The following HDAC9 variants were observed in gnomAD, a reference collection of about 807,000 sequenced individuals.
HDAC9 encodes histone deacetylase 9, also known as MEF-2 interacting transcription repressor (MITR) protein.
Under a neutral mutation model 139.4 loss-of-function variants are expected in HDAC9, and 41 were observed. The observed-to-expected ratio is 0.29, with a 90% CI of 0.23 to 0.38. The LOEUF (loss-of-function observed/expected upper bound fraction) is 0.38. HDAC9 is among the 10% of genes least tolerant of loss of function. The pLI is 1.00. For missense variants in HDAC9, 1,147 were observed against 1,297.0 expected, an observed-to-expected ratio of 0.88 and a Z score of 1.78; for synonymous variants, 517 against 476.2, an observed-to-expected ratio of 1.09 and a Z score of -1.12.
chr7:18,194,073 G>A (rs1562733207), intron 2 of HDAC9, among the ~76,000 whole-genome samples: 1 of 152,200 alleles, frequency 6.6e-6, no homozygotes, highest in Admixed American at 6.5e-5. Flanking sequence ...CCATGAGGTC[G>A]GTCCAAGCCA....
intron 22 of HDAC9, among the ~76,000 whole-genome samples, chr7:18,906,184 G>T (rs1351163135): frequency 6.6e-6 from 1 of 150,876 alleles, no homozygotes; most frequent in East Asian, 1.9e-4. Context: ...TATCTCCCAG[G>T]CAGGCTGGAG....
intron 1 of HDAC9, among the ~76,000 whole-genome samples, chr7:18,419,297 T>TA (rs1306479621): frequency 6.6e-6 from 1 of 152,224 alleles, no homozygotes; most frequent in East Asian, 1.9e-4. Flanking sequence ...ATTGATGTAT[T>TA]AAGTGTATCA....
At position 18,300,220 on chromosome 7, in the gene HDAC9, A is replaced by G. The variant is rs184778085; in HGVS notation, c.-42+9705A>G. Among the ~76,000 whole-genome samples, 278 of 150,336 alleles carry G rather than the reference A, an allele frequency of 1.8e-3. 1 individual carries two copies. Among genetic ancestry groups the G allele is most frequent in the African/African-American group, 6.4e-3 (262 of 40,926 alleles). On this transcript the variant is annotated intron_variant, in intron 1 of 3. Transcript: ENST00000413509. Reference sequence around the variant, plus strand: ...TTTTTTTTTTTTTAGCTCATCGGCTATCATTAGTGTTAGTGCATTTTATGT... The same window carrying G: ...TTTTTTTTTTTTTAGCTCATCGGCTGTCATTAGTGTTAGTGCATTTTATGT...
At chr7:18,395,857 G>A (rs1197708374) in intron 1 of HDAC9, among the ~76,000 whole-genome samples, 1 of 152,088 alleles carries the variant, frequency 6.6e-6, no homozygotes, top group Non-Finnish European at 1.5e-5. Flanking sequence ...ATTAACATTT[G>A]ATGCCATTTT....
chr7:18,131,007 GTTTAGAAATCTTTACAAA>G lies in HDAC9; in HGVS notation c.-96-31220_-96-31203del, dbSNP rs568670297. On this transcript the variant is annotated intron_variant, in intron 1 of 12. Transcript: ENST00000417496. Reference sequence around the variant, plus strand: ...TCTTTCTAGTTTCTTATAATCGAGTGTTTAGAAATCTTTACAAATCACCAGTTGGTTATTTTTCTGTTG... The same window carrying G: ...TCTTTCTAGTTTCTTATAATCGAGTGTCACCAGTTGGTTATTTTTCTGTTG... Among the ~76,000 whole-genome samples the G allele has an allele frequency of 1.4e-4, 21 of 152,164 alleles. No individual in the cohort carries two copies. The South Asian group carries it at 4.1e-3, about 30-fold the overall frequency.
intron 1 of HDAC9, among the ~76,000 whole-genome samples, chr7:18,386,764 G>A (rs971552294): frequency 6.6e-6 from 1 of 152,158 alleles, no homozygotes; most frequent in Non-Finnish European, 1.5e-5. Context: ...CTCGTATTCA[G>A]TCCTCAGAGA....
At chr7:18,991,523 G>A (rs868193567) in intron 25 of HDAC9, among the ~76,000 whole-genome samples, 5 of 152,126 alleles carry the variant, frequency 3.3e-5, no homozygotes, top group African/African-American at 1.2e-4. Flanking sequence ...TGTAGTCCCA[G>A]CTGCTCAGGA....
At chr7:18,992,537 T>C (rs1400044035) in intron 25 of HDAC9, among the ~76,000 whole-genome samples, 1 of 152,190 alleles carries the variant, frequency 6.6e-6, no homozygotes, top group Non-Finnish European at 1.5e-5. Context: ...GGAGTAGAAG[T>C]AAGAAATAAG....
chr7:18,230,089 A>G (rs1281952553), intron 2 of HDAC9, among the ~76,000 whole-genome samples: 3 of 152,236 alleles, frequency 2.0e-5, no homozygotes, highest in Non-Finnish European at 4.4e-5. Context: ...ATGAGGATCT[A>G]TATAACCATG....
intron 1 of HDAC9, among the ~76,000 whole-genome samples, chr7:18,331,339 A>G (rs921969225): frequency 1.3e-5 from 2 of 151,682 alleles, no homozygotes; most frequent in African/African-American, 4.8e-5. Context: ...GGCATAATGA[A>G]AAATCGTGTT....
chr7:18,334,769 C>T (rs151226602), intron 1 of HDAC9, among the ~76,000 whole-genome samples: 1 of 151,606 alleles, frequency 6.6e-6, no homozygotes, highest in East Asian at 1.9e-4. Context: ...GTTAGCACCA[C>T]AGAGGAAGTT....
intron 1 of HDAC9, among the ~76,000 whole-genome samples, chr7:18,459,565 A>G (rs939601877): frequency 6.6e-6 from 1 of 152,164 alleles, no homozygotes; most frequent in Non-Finnish European, 1.5e-5. Flanking sequence ...CAACCACAGA[A>G]AACAGCCCTT....
chr7:18,932,296 G>A (rs566458675), intron 22 of HDAC9, among the ~76,000 whole-genome samples: 3 of 152,190 alleles, frequency 2.0e-5, no homozygotes, highest in Non-Finnish European at 2.9e-5. Flanking sequence ...CCCTGAAATT[G>A]GACAGGTCGG....
chr7:18,734,421 G>A (rs1042501063), intron 13 of HDAC9, among the ~76,000 whole-genome samples: 7 of 151,822 alleles, frequency 4.6e-5, no homozygotes, highest in East Asian at 1.9e-4. Flanking sequence ...GATGATCCCC[G>A]CCCTGAGTCC....
intron 1 of HDAC9, among the ~76,000 whole-genome samples, chr7:18,341,443 T>C (rs1357448240): frequency 6.6e-6 from 1 of 151,822 alleles, no homozygotes; most frequent in Non-Finnish European, 1.5e-5. Context: ...CTCTTTTTTC[T>C]GAGTGTTTCA....
At chr7:18,921,403 A>G (rs1273287322) in intron 22 of HDAC9, among the ~76,000 whole-genome samples, 2 of 152,206 alleles carry the variant, frequency 1.3e-5, no homozygotes, top group Non-Finnish European at 2.9e-5. Flanking sequence ...CAACCCCATC[A>G]AAAAGTGGGT....
chr7:18,146,928 G>A (rs1584321098), intron 1 of HDAC9, among the ~76,000 whole-genome samples: 1 of 152,142 alleles, frequency 6.6e-6, no homozygotes, highest in East Asian at 1.9e-4. Context: ...ATTGCATCAT[G>A]TTTGATAGAA....
intron 1 of HDAC9, among the ~76,000 whole-genome samples, chr7:18,362,807 G>A (rs574640538): frequency 2.0e-4 from 30 of 152,216 alleles, no homozygotes; most frequent in Middle Eastern, 6.8e-3. Context: ...ATATTTGAAG[G>A]TAGAGAATCT....
At chr7:18,571,385 C>A (rs975283308) in intron 2 of HDAC9, among the ~76,000 whole-genome samples, 2 of 152,178 alleles carry the variant, frequency 1.3e-5, no homozygotes, top group Non-Finnish European at 2.9e-5. Context: ...AGCCTGCATT[C>A]CCTGGGGGAA....
Sources: gnomAD v4.1 joint callset for allele counts (sites outside exome capture counted in the v4.1 genomes callset) on GRCh38, gnomAD v4.1.1 for gene constraint, MANE v1.5 for transcripts, NCBI Gene and HGNC (gene_info 2026-07-23, HGNC 2026-07-21) for gene names.